Variants in GPLD1 observed in about 807,000 individuals in gnomAD.
GPLD1 encodes phosphatidylinositol-glycan-specific phospholipase D.
Under a neutral mutation model 112.6 loss-of-function variants are expected in GPLD1, and 84 were observed. The observed-to-expected ratio is 0.75, with a 90% CI of 0.63 to 0.89. The LOEUF is 0.89. Among genes scored for constraint, GPLD1 ranks in the 40% least tolerant of loss-of-function variants. GPLD1 has a pLI of 0.00. For missense variants in GPLD1, 1,044 were observed against 1,051.5 expected (o/e 0.99, Z 0.10); for synonymous variants, 386 against 403.8 (o/e 0.96, Z 0.53).
intron 10 of GPLD1, 60 bp downstream of exon 10, chr6:24,466,620 T>G: frequency 7.2e-7 from 1 of 1,395,146 alleles, no homozygotes; most frequent in Non-Finnish European, 1.0e-6. Flanking sequence ...GAGAGTTATG[T>G]TGGGGGATGG....
chr6:24,474,958 A>G (rs1763958229), intron 5 of GPLD1, among the ~76,000 whole-genome samples, 163 bp downstream of exon 5: 1 of 152,068 alleles, frequency 6.6e-6, no homozygotes, highest in South Asian at 2.1e-4. Flanking sequence ...AAAAAAAAAA[A>G]AAAAGGAACA....
At chr6:24,451,598 A>AG (rs1340940294) in intron 14 of GPLD1, among the ~76,000 whole-genome samples, 2 of 152,194 alleles carry the variant, frequency 1.3e-5, no homozygotes, top group African/African-American at 4.8e-5. Flanking sequence ...GGCCTCCCAA[A>AG]GTGCTGGGAT....
Position 24,483,508 on chromosome 6 carries a change from G to A in GPLD1, c.153+2567C>T, listed in dbSNP as rs528140913. Among the ~76,000 whole-genome samples, 86 of 147,964 alleles carry A rather than the reference G, an allele frequency of 5.8e-4. 1 individual carries two copies. Among genetic ancestry groups the A allele is most frequent in the African/African-American group, 1.9e-3 (75 of 40,046 alleles). On this transcript the variant is annotated intron_variant, in intron 2 of 24. Coordinates refer to ENST00000230036, the MANE Select transcript of GPLD1 (RefSeq NM_001503.4). ...AGCCTGGGAAACATGGTGAAACTGC[G>A]ACTCTACTGAAAATATAAAAATTAG...
rs1762879311 is a variant in GPLD1 at position 24,445,463 on chromosome 6, G to T, written c.2020+83C>A. On this transcript the variant is annotated intron_variant, in intron 20 of 24. Transcript: ENST00000230036. ...TGAAACCTAGATCTGTTCAGCTCCA[G>T]ATCTCATCACTTTCCTCCAATACGA... is the stretch of plus-strand genomic sequence containing the variant. 3 of 873,058 alleles carry T rather than the reference G, an allele frequency of 3.4e-6. No homozygotes were observed. In the South Asian group the frequency reaches 4.2e-5, roughly 12 times the overall value. 54.1% of individuals were successfully genotyped at this position (873,058 alleles called of 1,614,324 possible).
chr6:24,470,749 C>T (rs1763788771), intron 7 of GPLD1, among the ~76,000 whole-genome samples: 1 of 151,166 alleles, frequency 6.6e-6, no homozygotes, highest in Admixed American at 6.6e-5. Context: ...CAGGCACGTG[C>T]CATCGTACCA....
Position 24,456,420 on chromosome 6 carries a change from A to G in GPLD1, c.1148+78T>C, listed in dbSNP as rs1190996791. ...CAAAAATAAAATAAAATAAAATGAAATAAAAAACAGTTGCAGAATGATTGA... is the reference window on the plus strand; with the variant it reads ...CAAAAATAAAATAAAATAAAATGAAGTAAAAAACAGTTGCAGAATGATTGA... On this transcript the variant is annotated intron_variant, in intron 13 of 24. Coordinates refer to ENST00000230036, the MANE Select transcript of GPLD1 (RefSeq NM_001503.4). 6.3e-6 allele frequency: 6 copies of G among 957,176 alleles called. No individual in the cohort carries two copies. In the African/African-American group the frequency reaches 1.0e-4, roughly 16 times the overall value. The allele number at this position is 957,176 out of a possible 1,614,324, so 59.3% of individuals were successfully genotyped here.
At chr6:24,435,169 GC>G (rs1215594275) in intron 22 of GPLD1, among the ~76,000 whole-genome samples, 1 of 151,604 alleles carries the variant, frequency 6.6e-6, no homozygotes, top group Admixed American at 6.6e-5. Context: ...CCGCCACCAA[GC>G]CCGGCTAATT....
At chr6:24,444,804 A>G (rs116137022) in intron 20 of GPLD1, among the ~76,000 whole-genome samples, 5,071 of 152,190 alleles carry the variant, frequency 0.033, 82 homozygotes, top group Middle Eastern at 0.082. Context: ...AGCCATAATC[A>G]CACCGCTGCA....
chr6:24,426,879 G>C lies in GPLD1; in HGVS notation c.*2153C>G, dbSNP rs1762254488. Among the ~76,000 whole-genome samples, 1 of 152,184 alleles carries C rather than the reference G, an allele frequency of 6.6e-6. No individual in the cohort carries two copies. The highest frequency in any genetic ancestry group is 6.5e-5 in the Admixed American group (1 of 15,274). ...CTTTTGCTGTGCCATAGGTTACTAT[G>C]CAGCTAGCACATGTACCTCTTCCAG... On this transcript the variant is annotated 3_prime_UTR_variant, in exon 25 of 25. Transcript: ENST00000230036.
intron 4 of GPLD1, 91 bp from the exon 5 acceptor site, chr6:24,475,322 T>G: frequency 1.3e-6 from 1 of 747,332 alleles, no homozygotes; most frequent in South Asian, 1.6e-5. Flanking sequence ...AATTCATTTA[T>G]GTTACTGAGA....
chr6:24,456,708 A>T, intron 12 of GPLD1, 71 bp from the exon 13 acceptor site: 1 of 1,027,078 alleles, frequency 9.7e-7, no homozygotes, highest in Non-Finnish European at 1.5e-6. Flanking sequence ...TTTCCTGTCC[A>T]AAGTATTGGA....
chr6:24,458,099 G>C (rs1763325020), intron 12 of GPLD1, among the ~76,000 whole-genome samples: 1 of 151,018 alleles, frequency 6.6e-6, no homozygotes, highest in Non-Finnish European at 1.5e-5. Flanking sequence ...CCAGATACTA[G>C]ATCCATCCAA....
At chr6:24,447,076 T>C in intron 17 of GPLD1, 97 bp from the exon 18 acceptor site, 1 of 1,140,836 alleles carries the variant, frequency 8.8e-7, no homozygotes, top group Non-Finnish European at 1.3e-6. Flanking sequence ...TAGAAGTGGG[T>C]TCATTTTGCT....
At chr6:24,486,267 C>T (rs1177927076) in intron 1 of GPLD1, 137 bp from the exon 2 acceptor site, 5 of 646,710 alleles carry the variant, frequency 7.7e-6, no homozygotes, top group Non-Finnish European at 1.1e-5. Context: ...TGAGTTTGCA[C>T]TCACTGGCAA....
chr6:24,484,406 A>G (rs1225015947), intron 2 of GPLD1, among the ~76,000 whole-genome samples: 2 of 151,428 alleles, frequency 1.3e-5, no homozygotes, highest in Non-Finnish European at 2.9e-5. Context: ...AGTGGCGACA[A>G]GGTTTCATCA....
At chr6:24,436,365 A>G (rs1245686459) in intron 22 of GPLD1, among the ~76,000 whole-genome samples, 1 of 152,218 alleles carries the variant, frequency 6.6e-6, no homozygotes, top group Non-Finnish European at 1.5e-5. Context: ...ACATAACACC[A>G]AGTCCAGTGG....
At chr6:24,484,436 A>C (rs1314853959) in intron 2 of GPLD1, among the ~76,000 whole-genome samples, 1 of 150,802 alleles carries the variant, frequency 6.6e-6, no homozygotes, top group Non-Finnish European at 1.5e-5. Context: ...GGCTGTTCTC[A>C]AACTCCTGAC....
At chr6:24,465,196 CA>C (rs34368143) in intron 10 of GPLD1, among the ~76,000 whole-genome samples, 27,971 of 100,708 alleles carry the variant, frequency 0.28, 2,988 homozygotes, top group Middle Eastern at 0.38. Context: ...GACTCTGTCT[CA>C]AAAAAAAAAA....
exon 1 of GPLD1, chr6:24,495,175 G>A: frequency 2.0e-6 from 3 of 1,497,702 alleles, no homozygotes; most frequent in South Asian, 1.2e-5. Flanking sequence ...GCGCTGCTGC[G>A]CACCGACAGC....
Sources: gnomAD v4.1 joint callset for allele counts (sites outside exome capture counted in the v4.1 genomes callset) on GRCh38, gnomAD v4.1.1 for gene constraint, MANE v1.5 for transcripts, NCBI Gene and HGNC (gene_info 2026-07-23, HGNC 2026-07-21) for gene names.